The following CDIP1 variants were observed in gnomAD, a reference collection of about 807,000 sequenced individuals.
CDIP1 encodes cell death-inducing p53-target protein 1.
A neutral mutation model predicts 17.7 loss-of-function variants in CDIP1; 9 were observed. The ratio of observed to expected loss-of-function variants is 0.51; its 90% CI spans 0.31 to 0.89. CDIP1 has a LOEUF of 0.89. Ranked by LOEUF, CDIP1 falls within the 40% of genes least tolerant of loss-of-function variation. CDIP1 has a pLI of 0.05. For missense variants in CDIP1, 263 were observed against 277.9 expected (o/e 0.95, Z 0.38); for synonymous variants, 117 against 109.5 (o/e 1.07, Z -0.43).
At chr16:4,530,387 C>T (rs1229263380) in intron 1 of CDIP1, among the ~76,000 whole-genome samples, 2 of 152,184 alleles carry the variant, frequency 1.3e-5, no homozygotes, top group Admixed American at 6.6e-5. Context: ...CAGTGGCTCA[C>T]GCCTGTAATC....
intron 1 of CDIP1, chr16:4,538,363 G>GAGGGGCCCGGGTCCGGAC (rs1278502239): frequency 2.0e-5 from 3 of 152,328 alleles, no homozygotes; most frequent in African/African-American, 7.2e-5. Flanking sequence ...CGAAAGCGGA[G>GAGGGGCCCGGGTCCGGAC]AGGGGCCCGG....
intron 1 of CDIP1, among the ~76,000 whole-genome samples, chr16:4,522,051 G>T (rs1362720360): frequency 6.6e-6 from 1 of 152,214 alleles, no homozygotes; most frequent in African/African-American, 2.4e-5. Flanking sequence ...CCTGGTGCAT[G>T]TTCACTAATA....
intron 1 of CDIP1, among the ~76,000 whole-genome samples, chr16:4,528,683 C>CACAAA (rs1555501960): frequency 3.5e-4 from 18 of 50,960 alleles, no homozygotes; most frequent in African/African-American, 1.3e-3. Flanking sequence ...AACCCTGTCT[C>CACAAA]AAAAAAAAAA....
chr16:4,524,762 A>G (rs1054581376), intron 1 of CDIP1, among the ~76,000 whole-genome samples: 1 of 152,218 alleles, frequency 6.6e-6, no homozygotes, highest in Non-Finnish European at 1.5e-5. Context: ...TTACTGGTTA[A>G]TTATTGGTAA....
At chr16:4,518,503 G>A (rs562062961) in intron 1 of CDIP1, among the ~76,000 whole-genome samples, 7 of 152,236 alleles carry the variant, frequency 4.6e-5, no homozygotes, top group South Asian at 2.1e-4. Context: ...TTGCTCCTCC[G>A]TGTCTTCCCC....
At chr16:4,526,745 A>T (rs1345745720) in intron 1 of CDIP1, among the ~76,000 whole-genome samples, 1 of 151,004 alleles carries the variant, frequency 6.6e-6, no homozygotes, top group Non-Finnish European at 1.5e-5. Flanking sequence ...TAAAATAAAA[A>T]TAAAATTAAA....
intron 1 of CDIP1, among the ~76,000 whole-genome samples, chr16:4,529,765 T>C (rs1212838863): frequency 6.6e-6 from 1 of 152,198 alleles, no homozygotes; most frequent in African/African-American, 2.4e-5. Flanking sequence ...CAGCTGTCTG[T>C]TGGATGAGAT....
intron 1 of CDIP1, among the ~76,000 whole-genome samples, chr16:4,529,433 C>G (rs2059032566): frequency 6.6e-6 from 1 of 152,210 alleles, no homozygotes; most frequent in South Asian, 2.1e-4. Context: ...TCTGAACTAC[C>G]TCCCAGGCAG....
rs2058867057 is a variant in CDIP1 at position 4,514,350 on chromosome 16, C to T, written c.-14-206G>A. 6.6e-6 allele frequency among the ~76,000 whole-genome samples: 1 copy of T among 152,190 alleles called. No homozygotes were observed. The highest frequency in any genetic ancestry group is 1.5e-5 in the Non-Finnish European group (1 of 68,034). The stretch of plus-strand genomic sequence containing the variant: ...CACCTCTCAGTAGTCACCTGCTCTT[C>T]CCTGTTTGGAAGCTGAAGGGCAAGG... On this transcript the variant is annotated intron_variant, in intron 2 of 5. Coordinates refer to ENST00000567695, the MANE Select transcript of CDIP1 (RefSeq NM_013399.3). This position sits in a 1 kb window ranked among gnomAD's most constrained non-coding sequence, Gnocchi z 5.2.
At chr16:4,526,797 A>C (rs4786514) in intron 1 of CDIP1, among the ~76,000 whole-genome samples, 97,715 of 151,806 alleles carry the variant, frequency 0.64, 32,435 homozygotes, top group Non-Finnish European at 0.73. Context: ...ATGGCCCCAA[A>C]CACCACTGCG....
chr16:4,516,698 C>CTTTTTTTTTTTTTT (rs767463500), intron 1 of CDIP1, among the ~76,000 whole-genome samples: 1 of 78,056 alleles, frequency 1.3e-5, no homozygotes, highest in Non-Finnish European at 2.3e-5. Context: ...GTTTTAAATC[C>CTTTTTTTTTTTTTT]TTTTTTTTTT....
At chr16:4,523,917 A>T (rs1027226852) in intron 1 of CDIP1, 18 of 152,312 alleles carry the variant, frequency 1.2e-4, no homozygotes, top group African/African-American at 4.3e-4. Context: ...CTCCAGGACA[A>T]GGATGACAAG....
chr16:4,537,152 G>T (rs2059116101), intron 1 of CDIP1, among the ~76,000 whole-genome samples: 1 of 152,146 alleles, frequency 6.6e-6, no homozygotes, highest in African/African-American at 2.4e-5. Context: ...ATGCTTATTT[G>T]GGAGGGAAAG....
intron 1 of CDIP1, among the ~76,000 whole-genome samples, chr16:4,534,690 GTTTT>G (rs762718101): frequency 3.3e-4 from 43 of 130,398 alleles, no homozygotes; most frequent in Middle Eastern, 4.0e-3. Context: ...TGTTTGCATG[GTTTT>G]TTTTTTTTTT....
intron 1 of CDIP1, among the ~76,000 whole-genome samples, chr16:4,521,629 G>C (rs560862635): frequency 6.6e-6 from 1 of 150,888 alleles, no homozygotes; most frequent in Non-Finnish European, 1.5e-5. Flanking sequence ...CGGGGAGGCC[G>C]AGACGGGAGG....
intron 1 of CDIP1, among the ~76,000 whole-genome samples, chr16:4,525,515 G>A (rs1430630796): frequency 1.3e-5 from 2 of 152,152 alleles, no homozygotes; most frequent in Admixed American, 1.3e-4. Context: ...AGCCCCTGCT[G>A]TGAGACTGCT....
intron 1 of CDIP1, among the ~76,000 whole-genome samples, chr16:4,526,937 A>AT (rs1331903324): frequency 1.3e-5 from 2 of 151,264 alleles, no homozygotes; most frequent in Non-Finnish European, 3.0e-5. Context: ...CCAGTCTCAG[A>AT]TTTTTTTTCA....
At position 4,513,646 on chromosome 16, in the gene CDIP1, A is replaced by T; in HGVS notation, c.241+50T>A. 6.4e-7 allele frequency: 1 copy of T among 1,552,804 alleles called. No individual in the cohort carries two copies. Among genetic ancestry groups the T allele is most frequent in the Non-Finnish European group, 8.8e-7 (1 of 1,133,346 alleles). ...ACTGAGGACAGCCAGCGCAGGCCAG[A>T]CAGCAGCCAGGAGTTCCCCATGCTC... On this transcript the variant is annotated intron_variant, in intron 4 of 5. Transcript: ENST00000567695. This position sits in a 1 kb window ranked among gnomAD's most constrained non-coding sequence, Gnocchi z 4.1.
At chr16:4,517,228 A>G (rs1276609258) in intron 1 of CDIP1, among the ~76,000 whole-genome samples, 3 of 152,206 alleles carry the variant, frequency 2.0e-5, no homozygotes, top group Non-Finnish European at 4.4e-5. Context: ...TTCATATTAA[A>G]ATGTCACTTA....
Sources: allele counts gnomAD v4.1 joint callset (sites outside exome capture counted in the v4.1 genomes callset), GRCh38; gene constraint gnomAD v4.1.1; non-coding constraint Gnocchi (gnomAD v3.1); transcripts MANE v1.5; gene names NCBI Gene and HGNC (gene_info 2026-07-23, HGNC 2026-07-21).